Variants in IQSEC3 observed in about 807,000 individuals in gnomAD.
The protein encoded by IQSEC3 is IQ motif and SEC7 domain-containing protein 3.
A neutral mutation model predicts 105.4 loss-of-function variants in IQSEC3; 50 were observed. The observed-to-expected ratio is 0.47, with a 90% CI of 0.38 to 0.60. The LOEUF is 0.60. IQSEC3 is among the 20% of genes least tolerant of loss of function. IQSEC3 has a pLI of 0.00. For missense variants in IQSEC3, 1,415 were observed against 1,630.0 expected (o/e 0.87, Z 2.27); for synonymous variants, 708 against 746.0 (o/e 0.95, Z 0.83).
At chr12:169,614 G>A (rs1360987581) in intron 12 of IQSEC3, among the ~76,000 whole-genome samples, 1 of 152,138 alleles carries the variant, frequency 6.6e-6, no homozygotes, top group Non-Finnish European at 1.5e-5. Context: ...AATCCAGAGA[G>A]ACCCTCAAAC....
intron 1 of IQSEC3, among the ~76,000 whole-genome samples, chr12:86,697 G>A (rs1387118241): frequency 7.2e-5 from 11 of 152,140 alleles, no homozygotes; most frequent in African/African-American, 2.7e-4. Flanking sequence ...TTGTGTGTGT[G>A]TGCCTGCTCT....
At chr12:169,956 C>T (rs1264579690) in intron 12 of IQSEC3, among the ~76,000 whole-genome samples, 1 of 152,236 alleles carries the variant, frequency 6.6e-6, no homozygotes, top group Non-Finnish European at 1.5e-5. Flanking sequence ...TAGTGAGACG[C>T]CAGCTTGAGC....
In IQSEC3 at chr12:122,480, G is replaced by C. The variant is rs555957371; in HGVS notation, c.624-3153G>C. ...CCCATGAACAAAGGCCCACAACAAG[G>C]CTATTTTTTAAAATTTGTTTTGTTT... On this transcript the variant is annotated intron_variant, in intron 2 of 13. Coordinates refer to ENST00000538872, the MANE Select transcript of IQSEC3 (RefSeq NM_001170738.2). Among the ~76,000 whole-genome samples the C allele has an allele frequency of 1.7e-4, 26 of 152,340 alleles. No homozygotes were observed. In the East Asian group the frequency reaches 5.0e-3, roughly 29 times the overall value.
chr12:110,554 G>A (rs1247256407), intron 2 of IQSEC3, among the ~76,000 whole-genome samples: 1 of 152,010 alleles, frequency 6.6e-6, no homozygotes. Context: ...TCTGGGATTT[G>A]CATTTGGGAA....
Position 125,841 on chromosome 12 carries a change from G to A in IQSEC3, c.832G>A (p.Ala278Thr), listed in dbSNP as rs1008679694. Residue 278 changes from alanine (A) to threonine (T), a missense_variant, in exon 3 of 14, where the codon GCG becomes ACG. This residue lies in a region of IQSEC3 where 720 missense variants were observed against 633.0 expected (regional missense o/e 1.14). Transcript: ENST00000538872. ...ASPGRQQPALATALCPHAPAA... is the reference protein window; with the variant it reads ...ASPGRQQPALTTALCPHAPAA... ...CCCCGGCCGGCAGCAGCCTGCCCTG[G>A]CGACGGCGCTGTGCCCCCACGCCCC... 154 of 1,532,462 alleles carry A rather than the reference G, an allele frequency of 1.0e-4. No individual in the cohort carries two copies. Among genetic ancestry groups the A allele is most frequent in the Non-Finnish European group, 1.3e-4 (151 of 1,145,920 alleles). The allele number at this position is 1,532,462 out of a possible 1,614,324, so 94.9% of individuals were successfully genotyped here. A position where few individuals can be genotyped will look rare whatever the true frequency, so the allele number is the denominator to read the frequency against.
At chr12:129,077 T>C (rs1865506956) in intron 3 of IQSEC3, among the ~76,000 whole-genome samples, 1 of 152,234 alleles carries the variant, frequency 6.6e-6, no homozygotes, top group African/African-American at 2.4e-5. Context: ...CTTCTGCTCA[T>C]ACTTCAGGTC....
At chr12:73,049 T>TATAAATAAATAA (rs58047522) in intron 1 of IQSEC3, among the ~76,000 whole-genome samples, 4 of 135,612 alleles carry the variant, frequency 2.9e-5, no homozygotes, top group Admixed American at 7.3e-5. Flanking sequence ...CTGCCTAAAA[T>TATAAATAAATAA]ATAAATAAAT....
At chr12:120,009 T>TATCC (rs782185668) in intron 2 of IQSEC3, among the ~76,000 whole-genome samples, 3 of 152,222 alleles carry the variant, frequency 2.0e-5, no homozygotes, top group Admixed American at 6.5e-5. Flanking sequence ...AATATCTACC[T>TATCC]ATCCATCCAT....
chr12:79,233 C>CG (rs1863663999), intron 1 of IQSEC3, among the ~76,000 whole-genome samples: 1 of 151,840 alleles, frequency 6.6e-6, no homozygotes, highest in Non-Finnish European at 1.5e-5. Context: ...CTCCCTCACC[C>CG]CCCGCCTAGC....
intron 8 of IQSEC3, 28 bp downstream of exon 8, chr12:162,093 C>T (rs782292577): frequency 4.7e-5 from 76 of 1,609,012 alleles, no homozygotes; most frequent in Non-Finnish European, 5.9e-5. Flanking sequence ...ACCTATCTCC[C>T]GTCTCCTTTC....
At chr12:86,145 G>A (rs1226590621) in intron 1 of IQSEC3, among the ~76,000 whole-genome samples, 3 of 152,186 alleles carry the variant, frequency 2.0e-5, no homozygotes, top group Non-Finnish European at 4.4e-5. Context: ...TTCCACTAAT[G>A]TCTCAGGGAA....
At chr12:68,957 A>T (rs1456507609) in intron 1 of IQSEC3, among the ~76,000 whole-genome samples, 1 of 152,006 alleles carries the variant, frequency 6.6e-6, no homozygotes. Context: ...ACCCCTTTGT[A>T]CTTCCCTCAG....
At chr12:89,178 C>G (rs1341725068) in intron 1 of IQSEC3, among the ~76,000 whole-genome samples, 1 of 152,292 alleles carries the variant, frequency 6.6e-6, no homozygotes, top group Admixed American at 6.5e-5. Flanking sequence ...CAGCCATCCC[C>G]ACCCCCAATT....
intron 9 of IQSEC3, 124 bp downstream of exon 9, chr12:163,743 TC>T (rs1194183034): frequency 2.7e-6 from 2 of 735,916 alleles, no homozygotes; most frequent in Admixed American, 2.3e-5. Flanking sequence ...GAATGCCTGT[TC>T]CGTGGGACGG....
chr12:87,919 T>A (rs1555072453), intron 1 of IQSEC3, among the ~76,000 whole-genome samples: 1 of 152,166 alleles, frequency 6.6e-6, no homozygotes, highest in East Asian at 1.9e-4. Flanking sequence ...TTTAAAAAAG[T>A]TCTGTTGTAT....
At chr12:124,670 C>T (rs1865326849) in intron 2 of IQSEC3, among the ~76,000 whole-genome samples, 1 of 152,232 alleles carries the variant, frequency 6.6e-6, no homozygotes, top group Admixed American at 6.5e-5. Context: ...AAGGACAGCT[C>T]CTAGTGTTCC....
At chr12:144,346 C>T (rs1246931510) in intron 5 of IQSEC3, 1 of 152,256 alleles carries the variant, frequency 6.6e-6, no homozygotes, top group Non-Finnish European at 1.5e-5. Flanking sequence ...GCCTGGAAGG[C>T]TTCACTGGGA....
Position 86,450 on chromosome 12 carries a change from G to C in IQSEC3, c.555-12696G>C, listed in dbSNP as rs997568266. Among the ~76,000 whole-genome samples, 15 of 152,032 alleles carry C rather than the reference G, an allele frequency of 9.9e-5. No individual in the cohort carries two copies. In the South Asian group the frequency reaches 1.2e-3, roughly 13 times the overall value. On this transcript the variant is annotated intron_variant, in intron 1 of 13. Coordinates refer to ENST00000538872, the MANE Select transcript of IQSEC3 (RefSeq NM_001170738.2). ...TTGGAGTGTGCGGTAATCGGGTCTGGGACAGTGAGGGCTTACTCATTGGAC... is the reference window on the plus strand; with the variant it reads ...TTGGAGTGTGCGGTAATCGGGTCTGCGACAGTGAGGGCTTACTCATTGGAC...
chr12:97,446 G>T (rs1023585825), intron 1 of IQSEC3, among the ~76,000 whole-genome samples: 2 of 151,800 alleles, frequency 1.3e-5, no homozygotes, highest in Non-Finnish European at 2.9e-5. Flanking sequence ...ATATTCCTAA[G>T]CTTCCTTCGA....
Sources: gnomAD v4.1 joint callset for allele counts (sites outside exome capture counted in the v4.1 genomes callset) on GRCh38, gnomAD v4.1.1 for gene constraint, gnomAD v4.1.1 regional missense constraint, MANE v1.5 for transcripts, NCBI Gene and HGNC (gene_info 2026-07-23, HGNC 2026-07-21) for gene names.